The following ARL15 variants were observed in gnomAD, a reference collection of about 807,000 sequenced individuals.
ARL15 encodes the protein ARF like GTPase 15.
Under a neutral mutation model 25.2 loss-of-function variants are expected in ARL15, and 19 were observed. The ratio of observed to expected loss-of-function variants is 0.75; its 90% CI spans 0.53 to 1.10. ARL15 has a LOEUF of 1.10. Ranked by LOEUF, ARL15 falls within the 50% of genes least tolerant of loss-of-function variation. The probability of loss-of-function intolerance (pLI) is 0.00; values close to 1 mark genes in which losing one functional copy is unlikely to be tolerated. For missense variants in ARL15, 220 were observed against 246.0 expected (o/e 0.89, Z 0.71); for synonymous variants, 94 against 86.8 (o/e 1.08, Z -0.46).
intron 4 of ARL15, among the ~76,000 whole-genome samples, chr5:53,972,577 C>T (rs1333945810): frequency 2.6e-5 from 4 of 151,584 alleles, no homozygotes; most frequent in East Asian, 1.9e-4. Context: ...TTTTTTTGTA[C>T]GTCAAAAACA....
intron 1 of ARL15, among the ~76,000 whole-genome samples, chr5:54,238,096 A>G (rs1043071457): frequency 1.3e-5 from 2 of 152,216 alleles, no homozygotes; most frequent in African/African-American, 2.4e-5. Context: ...CATTCTTTCC[A>G]TATCACTAAC....
At chr5:54,132,610 G>A (rs1753473000) in intron 3 of ARL15, among the ~76,000 whole-genome samples, 1 of 152,102 alleles carries the variant, frequency 6.6e-6, no homozygotes, top group Non-Finnish European at 1.5e-5. Flanking sequence ...TAAGAAAGTA[G>A]AGGGATAAAA....
intron 4 of ARL15, among the ~76,000 whole-genome samples, chr5:54,037,773 G>A (rs538513667): frequency 2.8e-4 from 42 of 152,100 alleles, no homozygotes; most frequent in Non-Finnish European, 3.7e-4. Flanking sequence ...CATTAGAGTC[G>A]TTATAGTATT....
intron 4 of ARL15, among the ~76,000 whole-genome samples, chr5:54,005,741 A>G (rs185406435): frequency 0.084 from 12,692 of 151,896 alleles, 666 homozygotes; most frequent in Non-Finnish European, 0.11. Context: ...CGGCGCCTGT[A>G]GTCCCAGCTA....
At chr5:54,303,110 A>AT (rs1380349899) in intron 1 of ARL15, among the ~76,000 whole-genome samples, 1 of 152,020 alleles carries the variant, frequency 6.6e-6, no homozygotes, top group Non-Finnish European at 1.5e-5. Context: ...CCATCAGGAG[A>AT]TTTTGCCCAG....
intron 4 of ARL15, among the ~76,000 whole-genome samples, chr5:53,899,215 G>A (rs1438092967): frequency 6.6e-6 from 1 of 151,352 alleles, no homozygotes; most frequent in Admixed American, 6.6e-5. Context: ...AGGCGTGGTG[G>A]TGCACGCCTG....
intron 4 of ARL15, among the ~76,000 whole-genome samples, chr5:53,973,574 C>CAAAA (rs34108460): frequency 2.3e-5 from 2 of 87,112 alleles, no homozygotes; most frequent in Non-Finnish European, 2.1e-5. Flanking sequence ...AACTTCATCT[C>CAAAA]AAAAAAAAAA....
Position 54,200,877 on chromosome 5 carries a change from C to T in ARL15, c.49-28949G>A, listed in dbSNP as rs377507459. ...CCATAATTATACTTCTTCTGCAGTG[C>T]TTCTTCTCACACTTTATTGAAACAT... is the stretch of plus-strand genomic sequence containing the variant. On this transcript the variant is annotated intron_variant, in intron 1 of 4. Coordinates refer to ENST00000504924, the MANE Select transcript of ARL15 (RefSeq NM_019087.3). 3.9e-5 allele frequency among the ~76,000 whole-genome samples: 6 copies of T among 152,188 alleles called. No individual in the cohort carries two copies. In the East Asian group the frequency reaches 5.8e-4, roughly 15 times the overall value.
intron 4 of ARL15, among the ~76,000 whole-genome samples, chr5:53,982,839 C>A (rs917853771): frequency 2.6e-5 from 4 of 152,134 alleles, no homozygotes; most frequent in Non-Finnish European, 5.9e-5. Context: ...ACATCCTCTC[C>A]GGCACCTGTT....
At chr5:54,163,813 T>C (rs1361646346) in intron 2 of ARL15, among the ~76,000 whole-genome samples, 3 of 152,020 alleles carry the variant, frequency 2.0e-5, no homozygotes, top group African/African-American at 7.2e-5. Flanking sequence ...TCAGTTTGGC[T>C]AGAGTTTTAC....
chr5:54,033,516 A>T (rs1750064365), intron 4 of ARL15, among the ~76,000 whole-genome samples: 1 of 150,284 alleles, frequency 6.7e-6, no homozygotes, highest in Admixed American at 6.6e-5. Context: ...AAAAAAAAAT[A>T]CAAAAGTTAA....
intron 4 of ARL15, among the ~76,000 whole-genome samples, chr5:53,937,076 G>A (rs920368901): frequency 5.9e-5 from 9 of 152,044 alleles, no homozygotes; most frequent in African/African-American, 2.2e-4. Context: ...ACACAGACCT[G>A]ACAGAACTGA....
chr5:54,196,452 T>C (rs16882424), intron 1 of ARL15, among the ~76,000 whole-genome samples: 39,709 of 152,056 alleles, frequency 0.26, 5,701 homozygotes, highest in African/African-American at 0.36. Flanking sequence ...GTTACATATA[T>C]GGTCCTGTTT....
At chr5:54,178,328 T>G (rs534506387) in intron 1 of ARL15, among the ~76,000 whole-genome samples, 1 of 152,330 alleles carries the variant, frequency 6.6e-6, no homozygotes, top group East Asian at 1.9e-4. Flanking sequence ...CTCTGTATAG[T>G]TGCTGGAAAC....
chr5:54,107,406 A>G (rs1257510553), intron 4 of ARL15, among the ~76,000 whole-genome samples: 1 of 152,202 alleles, frequency 6.6e-6, no homozygotes, highest in Non-Finnish European at 1.5e-5. Context: ...ATTAACATAG[A>G]AGATCTGTGG....
At chr5:54,096,551 C>T (rs1253711129) in intron 4 of ARL15, among the ~76,000 whole-genome samples, 1 of 152,118 alleles carries the variant, frequency 6.6e-6, no homozygotes, top group East Asian at 1.9e-4. Context: ...GCTGGAATTA[C>T]AGGCACCCGC....
At chr5:53,957,276 C>T (rs1257296489) in intron 4 of ARL15, among the ~76,000 whole-genome samples, 1 of 152,038 alleles carries the variant, frequency 6.6e-6, no homozygotes, top group Non-Finnish European at 1.5e-5. Flanking sequence ...TATCATTGGA[C>T]ACTATGGGGA....
At chr5:54,205,689 T>A in intron 1 of ARL15, among the ~76,000 whole-genome samples, 1 of 152,188 alleles carries the variant, frequency 6.6e-6, no homozygotes, top group South Asian at 2.1e-4. Flanking sequence ...AGCACCACCA[T>A]AATTAACTGT....
At chr5:54,304,445 A>C (rs996586180) in intron 1 of ARL15, among the ~76,000 whole-genome samples, 1 of 152,218 alleles carries the variant, frequency 6.6e-6, no homozygotes, top group Admixed American at 6.5e-5. Flanking sequence ...CACTGCCCAC[A>C]TGCCAACAAG....
Sources: allele counts gnomAD v4.1 joint callset (sites outside exome capture counted in the v4.1 genomes callset), GRCh38; gene constraint gnomAD v4.1.1; transcripts MANE v1.5; gene names NCBI Gene and HGNC (gene_info 2026-07-23, HGNC 2026-07-21).